Variants in CNTNAP5 observed in about 807,000 individuals in gnomAD.
CNTNAP5 encodes contactin-associated protein-like 5.
Under a neutral mutation model 150.2 loss-of-function variants are expected in CNTNAP5, and 72 were observed. The ratio of observed to expected loss-of-function variants is 0.48; its 90% CI spans 0.40 to 0.58. CNTNAP5 has a LOEUF of 0.58. Among genes scored for constraint, CNTNAP5 ranks in the 20% least tolerant of loss-of-function variants. The pLI, the probability that CNTNAP5 is intolerant of heterozygous loss-of-function variation, is 0.00. For synonymous variants in CNTNAP5, 672 were observed against 619.8 expected (o/e 1.08, Z -1.25); for missense variants, 1,636 against 1,626.2 (o/e 1.01, Z -0.10).
At chr2:124,740,519 A>G (rs897638212) in intron 13 of CNTNAP5, among the ~76,000 whole-genome samples, 2 of 152,184 alleles carry the variant, frequency 1.3e-5, no homozygotes, top group African/African-American at 4.8e-5. Flanking sequence ...TTGGGTTTAT[A>G]TAAATCACAT....
chr2:124,639,728 C>T (rs1678049805), intron 12 of CNTNAP5, among the ~76,000 whole-genome samples: 1 of 152,154 alleles, frequency 6.6e-6, no homozygotes, highest in Non-Finnish European at 1.5e-5. Flanking sequence ...CAGTCTTATC[C>T]TCAGTGTGCA....
chr2:124,837,642 C>T (rs1335931920), intron 19 of CNTNAP5, among the ~76,000 whole-genome samples: 2 of 152,016 alleles, frequency 1.3e-5, no homozygotes, highest in Non-Finnish European at 1.5e-5. Context: ...AAATTATCAT[C>T]GAGCAAAAGT....
chr2:124,261,846 G>A (rs951674539), intron 3 of CNTNAP5, among the ~76,000 whole-genome samples: 1 of 152,100 alleles, frequency 6.6e-6, no homozygotes, highest in Non-Finnish European at 1.5e-5. Context: ...AACGCTAGCA[G>A]GATTTTCCAA....
At chr2:124,510,506 TATATATATATATAC>T (rs1694559932) in intron 8 of CNTNAP5, among the ~76,000 whole-genome samples, 1 of 63,464 alleles carries the variant, frequency 1.6e-5, no homozygotes, top group Non-Finnish European at 3.2e-5. Context: ...TATATATATA[TATATATATATATAC>T]ATATATCTCC....
chr2:124,445,631 G>A (rs1002253728), intron 5 of CNTNAP5, among the ~76,000 whole-genome samples: 1 of 152,106 alleles, frequency 6.6e-6, no homozygotes, highest in Non-Finnish European at 1.5e-5. Flanking sequence ...AATGCCTTGG[G>A]CCATAATGGA....
intron 12 of CNTNAP5, among the ~76,000 whole-genome samples, chr2:124,613,277 A>C (rs915117094): frequency 6.6e-6 from 1 of 152,330 alleles, no homozygotes; most frequent in Admixed American, 6.5e-5. Flanking sequence ...GAAGAGAGTC[A>C]GGAAGAAGGG....
intron 3 of CNTNAP5, among the ~76,000 whole-genome samples, chr2:124,285,943 A>G (rs758875032): frequency 1.3e-5 from 2 of 152,176 alleles, no homozygotes; most frequent in Non-Finnish European, 2.9e-5. Context: ...TTTAGTCTCT[A>G]TTAAGATCTC....
chr2:124,132,611 A>G (rs892674687), intron 1 of CNTNAP5, among the ~76,000 whole-genome samples: 1 of 152,174 alleles, frequency 6.6e-6, no homozygotes, highest in African/African-American at 2.4e-5. Flanking sequence ...CAAGCTATAT[A>G]AGCATCCAAT....
At chr2:124,706,821 G>GAA (rs1679660078) in intron 13 of CNTNAP5, among the ~76,000 whole-genome samples, 4 of 5,120 alleles carry the variant, frequency 7.8e-4, no homozygotes, top group Admixed American at 2.1e-3. Flanking sequence ...AGGAGGAGGA[G>GAA]GAGGAAGAGG....
intron 2 of CNTNAP5, among the ~76,000 whole-genome samples, chr2:124,237,647 G>C (rs1686782453): frequency 6.6e-6 from 1 of 152,106 alleles, no homozygotes; most frequent in African/African-American, 2.4e-5. Context: ...GAGCAGTCTG[G>C]CCAACATGGT....
chr2:124,346,106 TG>T (rs1338212193), intron 3 of CNTNAP5, among the ~76,000 whole-genome samples: 1 of 152,170 alleles, frequency 6.6e-6, no homozygotes, highest in African/African-American at 2.4e-5. Context: ...TAAACTAAGG[TG>T]TACTTAAGAT....
At chr2:124,891,255 C>T (rs1187424540) in intron 21 of CNTNAP5, among the ~76,000 whole-genome samples, 1 of 152,012 alleles carries the variant, frequency 6.6e-6, no homozygotes, top group Non-Finnish European at 1.5e-5. Flanking sequence ...TATCTGGGGG[C>T]TGAGCTCAGT....
At position 124,685,253 on chromosome 2, in the gene CNTNAP5, A is replaced by G. The variant is rs544409464; in HGVS notation, c.2077+37295A>G. 3.3e-5 allele frequency among the ~76,000 whole-genome samples: 5 copies of G among 152,228 alleles called. No individual in the cohort carries two copies. In the South Asian group the frequency reaches 6.2e-4, roughly 19 times the overall value. On this transcript the variant is annotated intron_variant, in intron 13 of 23. Coordinates refer to ENST00000682447, the MANE Select transcript of CNTNAP5 (RefSeq NM_001367498.1). The stretch of plus-strand genomic sequence containing the variant: ...TCCCTTTTCCTTCTCATATAAATTA[A>G]AGAAGACACATTATTTCCATTTTCC...
chr2:124,854,126 G>T (rs1677295060), intron 19 of CNTNAP5, among the ~76,000 whole-genome samples: 1 of 152,082 alleles, frequency 6.6e-6, no homozygotes, highest in Non-Finnish European at 1.5e-5. Context: ...CTTTCATGTG[G>T]ATGTACTTCA....
intron 21 of CNTNAP5, among the ~76,000 whole-genome samples, chr2:124,888,537 G>T (rs1573689818): frequency 6.6e-6 from 1 of 152,136 alleles, no homozygotes; most frequent in East Asian, 1.9e-4. Context: ...ACTTTCCACA[G>T]TGGCTGAACT....
chr2:124,120,930 T>C (rs1410896655), intron 1 of CNTNAP5, among the ~76,000 whole-genome samples: 2 of 152,114 alleles, frequency 1.3e-5, no homozygotes, highest in East Asian at 3.9e-4. Flanking sequence ...GGGGTCTCTG[T>C]TGGATCTATT....
chr2:124,218,340 C>T (rs745547501), intron 1 of CNTNAP5, among the ~76,000 whole-genome samples: 6 of 152,114 alleles, frequency 3.9e-5, no homozygotes, highest in Admixed American at 1.3e-4. Context: ...CTCTCTTCAA[C>T]GTAAGCGAGG....
rs151220683 is a variant in CNTNAP5, at chr2:124,867,866, G to A, written c.3349-1809G>A. ...GCATATCTATATGAATATCCGTTAGGCATTGGAATATTTAAGTAAATAGTT... is the reference window on the plus strand; with the variant it reads ...GCATATCTATATGAATATCCGTTAGACATTGGAATATTTAAGTAAATAGTT... On this transcript the variant is annotated intron_variant, in intron 20 of 23. Transcript: ENST00000682447. 4.8e-3 allele frequency among the ~76,000 whole-genome samples: 733 copies of A among 152,252 alleles called. 13 individuals carry two copies. Among genetic ancestry groups the A allele is most frequent in the African/African-American group, 0.017 (686 of 41,530 alleles).
At chr2:124,117,988 TTTAG>T (rs1262589542) in intron 1 of CNTNAP5, among the ~76,000 whole-genome samples, 35 of 152,058 alleles carry the variant, frequency 2.3e-4, no homozygotes, top group Admixed American at 2.3e-3. Context: ...TGGAACTATA[TTTAG>T]TCAGAAACAC....
Sources: allele counts gnomAD v4.1 joint callset (sites outside exome capture counted in the v4.1 genomes callset), GRCh38; gene constraint gnomAD v4.1.1; transcripts MANE v1.5; gene names NCBI Gene and HGNC (gene_info 2026-07-23, HGNC 2026-07-21).